The following ENTPD1 variants were observed in gnomAD, a reference collection of about 807,000 sequenced individuals.
ENTPD1 encodes the protein ATP diphosphohydrolase.
A neutral mutation model predicts 57.0 loss-of-function variants in ENTPD1; 33 were observed. That is an observed-to-expected ratio of 0.58 (90% confidence interval 0.44 to 0.77). The LOEUF (loss-of-function observed/expected upper bound fraction) is 0.77, where lower values mean the gene tolerates loss of function less well. Ranked by LOEUF, ENTPD1 falls within the 30% of genes least tolerant of loss-of-function variation. The pLI is 0.00. For missense variants in ENTPD1, 501 were observed against 603.4 expected, an observed-to-expected ratio of 0.83 and a Z score of 1.78; for synonymous variants, 202 against 218.8, an observed-to-expected ratio of 0.92 and a Z score of 0.68.
intron 2 of ENTPD1, among the ~76,000 whole-genome samples, chr10:95,830,955 G>T (rs2098394809): frequency 1.3e-5 from 2 of 152,200 alleles, no homozygotes; most frequent in African/African-American, 4.8e-5. Flanking sequence ...TTTGGCTGGA[G>T]AGCAGATTAG....
chr10:95,735,958 A>G (rs2097994233), intron 1 of ENTPD1, among the ~76,000 whole-genome samples: 1 of 151,474 alleles, frequency 6.6e-6, no homozygotes, highest in Non-Finnish European at 1.5e-5. Context: ...TGAAAACAAT[A>G]GGAGTTGTTA....
chr10:95,839,958 T>A, intron 3 of ENTPD1, 150 bp downstream of exon 3: 2 of 741,310 alleles, frequency 2.7e-6, no homozygotes, highest in Non-Finnish European at 4.6e-6. Context: ...ATGTTATCGT[T>A]ACAGAAAACA....
rs2098486110 is a variant in ENTPD1, at chr10:95,876,667, A to T, written c.*10284A>T. The stretch of plus-strand genomic sequence containing the variant: ...GTCTTCTGGACAGGCCATTCTAATA[A>T]CAGAAACAAACAAGTTATTTTAAAA... On this transcript the variant is annotated 3_prime_UTR_variant, in exon 10 of 10. Coordinates refer to ENST00000371205, the MANE Select transcript of ENTPD1 (RefSeq NM_001776.6). 2 of 1,222,888 alleles carry T rather than the reference A, an allele frequency of 1.6e-6. No individual in the cohort carries two copies. The highest frequency in any genetic ancestry group is 6.4e-5 in the East Asian group (2 of 31,344). The allele number at this position is 1,222,888 out of a possible 1,614,324, so 75.8% of individuals were successfully genotyped here.
chr10:95,709,923 G>A (rs2097964194), upstream of ENTPD1, among the ~76,000 whole-genome samples: 1 of 150,766 alleles, frequency 6.6e-6, no homozygotes, highest in South Asian at 2.1e-4. Flanking sequence ...TTACAGGCAT[G>A]TGCCACCACG....
At chr10:95,733,161 G>A (rs527959039) in intron 1 of ENTPD1, among the ~76,000 whole-genome samples, 10 of 152,264 alleles carry the variant, frequency 6.6e-5, no homozygotes, top group African/African-American at 2.4e-4. Flanking sequence ...CTACCCCTGG[G>A]AATGCATTCT....
chr10:95,711,816 C>T (rs1460346217), exon 1 of ENTPD1: 46 of 1,124,972 alleles, frequency 4.1e-5, no homozygotes, highest in Non-Finnish European at 5.9e-5. Flanking sequence ...AATTTGTATG[C>T]CTTTTCTCCT....
At chr10:95,828,044 G>A (rs2098383798) in intron 2 of ENTPD1, among the ~76,000 whole-genome samples, 2 of 152,136 alleles carry the variant, frequency 1.3e-5, no homozygotes, top group Non-Finnish European at 2.9e-5. Context: ...GTCCTGAGAA[G>A]CTCTATCATT....
intron 1 of ENTPD1, among the ~76,000 whole-genome samples, chr10:95,724,199 A>G (rs916191466): frequency 4.6e-5 from 7 of 150,748 alleles, no homozygotes; most frequent in African/African-American, 1.7e-4. Context: ...CCTTTCCCAG[A>G]TAGCCTCACA....
intron 4 of ENTPD1, among the ~76,000 whole-genome samples, chr10:95,844,062 G>A (rs1397870778): frequency 1.3e-5 from 2 of 152,178 alleles, no homozygotes; most frequent in Admixed American, 1.3e-4. Flanking sequence ...ACCTGGAGCA[G>A]AGTCTGGCCA....
chr10:95,796,433 A>G (rs1667420710), intron 1 of ENTPD1, among the ~76,000 whole-genome samples: 1 of 152,202 alleles, frequency 6.6e-6, no homozygotes, highest in Non-Finnish European at 1.5e-5. Flanking sequence ...AGAGTTAGTT[A>G]GATAAATAAG....
chr10:95,722,122 A>G (rs577706450), intron 1 of ENTPD1, among the ~76,000 whole-genome samples: 55 of 152,256 alleles, frequency 3.6e-4, no homozygotes, highest in Non-Finnish European at 6.2e-4. Context: ...TAAGTGCTTT[A>G]AGACTTGGCT....
intron 1 of ENTPD1, among the ~76,000 whole-genome samples, chr10:95,723,899 C>T (rs1272314073): frequency 5.3e-5 from 8 of 152,026 alleles, no homozygotes; most frequent in African/African-American, 1.2e-4. Flanking sequence ...CGGTGGCTCA[C>T]GCCTGTAATC....
chr10:95,717,286 CT>C (rs2097972619), intron 1 of ENTPD1, among the ~76,000 whole-genome samples: 1 of 148,618 alleles, frequency 6.7e-6, no homozygotes, highest in African/African-American at 2.5e-5. Flanking sequence ...ATGTGGTTCT[CT>C]TTGTGTTTAT....
chr10:95,855,537 G>T (rs2098452989), intron 7 of ENTPD1, among the ~76,000 whole-genome samples: 1 of 152,034 alleles, frequency 6.6e-6, no homozygotes. Flanking sequence ...AGCCTTGATG[G>T]TCTTTACAAT....
At position 95,867,177 on chromosome 10, in the gene ENTPD1, A is replaced by G. The variant is rs1055278323; in HGVS notation, c.*794A>G. ...ATACAGTTACAACTCAGGGTCACAA[A>G]AAATGCATCTTCCAATGCATATTTT... On this transcript the variant is annotated 3_prime_UTR_variant, in exon 10 of 10. Transcript: ENST00000371205. 2 of 985,358 alleles carry G rather than the reference A, an allele frequency of 2.0e-6. No individual in the cohort carries two copies. Among genetic ancestry groups the G allele is most frequent in the African/African-American group, 3.5e-5 (2 of 57,264 alleles). 61.0% of individuals were successfully genotyped at this position (985,358 alleles called of 1,614,324 possible).
chr10:95,842,317 A>C (rs967223513), intron 3 of ENTPD1, 27 bp from the exon 4 acceptor site: 1 of 1,597,064 alleles, frequency 6.3e-7, no homozygotes, highest in Non-Finnish European at 8.6e-7. Flanking sequence ...TTTTTAAAAG[A>C]TTGTTATCTT....
At chr10:95,704,387 C>G in the ENTPD1 span, among the ~76,000 whole-genome samples, 4 of 152,206 alleles carry the variant, frequency 2.6e-5, no homozygotes, top group African/African-American at 9.6e-5. Context: ...GATATCACAT[C>G]TTATTATTAA....
chr10:95,864,790 A>G lies in ENTPD1; in HGVS notation c.1255A>G (p.Ile419Val), dbSNP rs545818547. 17 of 1,613,854 alleles carry G rather than the reference A, an allele frequency of 1.1e-5. No homozygotes were observed. In the East Asian group the frequency reaches 2.9e-4, roughly 27 times the overall value. ...TGAATACTGCTTTTCTGGTACCTAC[A>G]TTCTCTCCCTCCTTCTGCAAGGCTA... The part of the protein sequence containing the change: ...LSEYCFSGTY[I>V]LSLLLQGYHF... The change falls in exon 9 of 10, where the codon ATT (isoleucine) becomes GTT (valine). Residue 419 changes from isoleucine to valine, a missense_variant. Physicochemically the swap from Ile to Val is conservative, Grantham distance 29 (BLOSUM62 3). Transcript: ENST00000371205.
Position 95,845,422 on chromosome 10 carries a change from C to A in ENTPD1, c.639C>A (p.Asp213Glu). The change falls in exon 6 of 10, where the codon GAC (aspartate) becomes GAA (glutamate). Residue 213 changes from aspartate to glutamate, a missense_variant. Physicochemically the swap from Asp to Glu is conservative, Grantham distance 45. Coordinates refer to ENST00000371205, the MANE Select transcript of ENTPD1 (RefSeq NM_001776.6). ...TNNQETFGAL[D>E]LGGASTQVTF... Reference sequence around the variant, plus strand: ...ATCAGGAAACCTTTGGAGCTTTGGACCTTGGGGGAGCCTCTACACAAGTCA... The same window carrying A: ...ATCAGGAAACCTTTGGAGCTTTGGAACTTGGGGGAGCCTCTACACAAGTCA... 1 of 1,614,118 alleles carries A rather than the reference C, an allele frequency of 6.2e-7. No homozygotes were observed. Among genetic ancestry groups the A allele is most frequent in the Non-Finnish European group, 8.5e-7 (1 of 1,180,002 alleles).
Sources: allele counts gnomAD v4.1 joint callset (sites outside exome capture counted in the v4.1 genomes callset), GRCh38; gene constraint gnomAD v4.1.1; transcripts MANE v1.5; gene names NCBI Gene and HGNC (gene_info 2026-07-23, HGNC 2026-07-21).